The following DGKI variants were observed in gnomAD, a reference collection of about 807,000 sequenced individuals.
DGKI encodes diacylglycerol kinase iota.
DGKI carries 55 observed loss-of-function variants against 147.5 expected under a neutral mutation model. The ratio of observed to expected loss-of-function variants is 0.37; its 90% CI spans 0.30 to 0.47. The LOEUF (loss-of-function observed/expected upper bound fraction) is 0.47, where lower values mean the gene tolerates loss of function less well. DGKI is among the 20% of genes least tolerant of loss of function. The pLI, the probability that DGKI is intolerant of heterozygous loss-of-function variation, is 1.00. For missense variants in DGKI, 1,007 were observed against 1,323.8 expected (o/e 0.76, Z 3.71); for synonymous variants, 469 against 477.1 (o/e 0.98, Z 0.22).
intron 8 of DGKI, among the ~76,000 whole-genome samples, chr7:137,617,620 T>A (rs1012971494): frequency 6.6e-6 from 1 of 151,568 alleles, no homozygotes; most frequent in African/African-American, 2.4e-5. Flanking sequence ...GAAGATGGGG[T>A]AGATGGGGTG....
intron 21 of DGKI, among the ~76,000 whole-genome samples, chr7:137,503,940 G>C (rs1230356884): frequency 6.6e-6 from 1 of 152,088 alleles, no homozygotes; most frequent in East Asian, 1.9e-4. Flanking sequence ...CTATATGTGA[G>C]AACATTTTAT....
chr7:137,472,096 C>CAT (rs201002910), intron 23 of DGKI, among the ~76,000 whole-genome samples: 21,341 of 122,970 alleles, frequency 0.17, 2,730 homozygotes, highest in African/African-American at 0.36. Context: ...AATATATACA[C>CAT]ATATATGTGT....
chr7:137,835,716 G>A (rs1288580835), intron 1 of DGKI, among the ~76,000 whole-genome samples: 1 of 152,144 alleles, frequency 6.6e-6, no homozygotes, highest in African/African-American at 2.4e-5. Flanking sequence ...TATGGATTTA[G>A]AATACCAGCT....
intron 1 of DGKI, among the ~76,000 whole-genome samples, chr7:137,787,275 G>GA (rs914042958): frequency 8.6e-5 from 13 of 150,806 alleles, no homozygotes; most frequent in East Asian, 1.9e-4. Context: ...AAATCAGCAA[G>GA]AAAAAAAAAT....
chr7:137,603,786 A>C (rs1347578656), intron 10 of DGKI, among the ~76,000 whole-genome samples: 2 of 152,222 alleles, frequency 1.3e-5, no homozygotes, highest in African/African-American at 2.4e-5. Context: ...AAGGCACAAA[A>C]GGTGTGAAAC....
In DGKI at chr7:137,816,722, G is replaced by C. The variant is rs6950955; in HGVS notation, c.401+29740C>G. ...AGACAAAAAACATTGTTTTGTAATA[G>C]AGAGTGACAGAGAAGGAGAGGCAAA... On this transcript the variant is annotated intron_variant, in intron 1 of 32. Transcript: ENST00000614521. 7.1e-3 allele frequency among the ~76,000 whole-genome samples: 1,079 copies of C among 152,324 alleles called. 19 individuals are homozygous for C. Among genetic ancestry groups the C allele is most frequent in the African/African-American group, 0.024 (1,012 of 41,572 alleles).
intron 1 of DGKI, among the ~76,000 whole-genome samples, chr7:137,790,780 G>A (rs774876913): frequency 3.9e-5 from 6 of 152,178 alleles, no homozygotes; most frequent in Admixed American, 2.0e-4. Context: ...CCTGGAAAAT[G>A]GGTATAACAG....
chr7:137,499,806 T>C (rs62490463), intron 21 of DGKI, among the ~76,000 whole-genome samples: 2,579 of 152,238 alleles, frequency 0.017, 36 homozygotes, highest in Non-Finnish European at 0.024. Flanking sequence ...CCACTATAAT[T>C]GCATGAGCCA....
chr7:137,619,974 G>T (rs1404186015), intron 7 of DGKI, 34 bp from the exon 8 acceptor site: 2 of 1,505,668 alleles, frequency 1.3e-6, no homozygotes, highest in East Asian at 4.6e-5. Context: ...AACAATTCTG[G>T]TCAAAGAGTA....
chr7:137,723,699 C>CTTTTTTT (rs769605042), intron 1 of DGKI, among the ~76,000 whole-genome samples: 2 of 104,436 alleles, frequency 1.9e-5, no homozygotes, highest in Non-Finnish European at 3.5e-5. Context: ...CATGATATCC[C>CTTTTTTT]TTTTTTTTTT....
At chr7:137,738,171 G>A (rs1795077925) in intron 1 of DGKI, among the ~76,000 whole-genome samples, 1 of 152,090 alleles carries the variant, frequency 6.6e-6, no homozygotes, top group Admixed American at 6.6e-5. Context: ...ACAAATTAAT[G>A]CAGTTAGCAG....
At chr7:137,807,768 C>T (rs565606734) in intron 1 of DGKI, among the ~76,000 whole-genome samples, 50 of 152,230 alleles carry the variant, frequency 3.3e-4, no homozygotes, top group African/African-American at 1.1e-3. Context: ...TCCCAGGTGC[C>T]GCTGCTGCTG....
intron 1 of DGKI, among the ~76,000 whole-genome samples, chr7:137,807,426 G>A (rs993918965): frequency 2.6e-5 from 4 of 152,146 alleles, no homozygotes; most frequent in African/African-American, 7.2e-5. Context: ...GAGCTACCTC[G>A]TTTCTGCAGT....
chr7:137,757,001 TA>T (rs1795705644), intron 1 of DGKI, among the ~76,000 whole-genome samples: 1 of 152,266 alleles, frequency 6.6e-6, no homozygotes, highest in Non-Finnish European at 1.5e-5. Context: ...TTATATTTTT[TA>T]ATATTTCCTT....
At chr7:137,430,168 T>A (rs1813002697) in intron 28 of DGKI, among the ~76,000 whole-genome samples, 1 of 144,248 alleles carries the variant, frequency 6.9e-6, no homozygotes, top group Non-Finnish European at 1.5e-5. Context: ...TGTCCAACAA[T>A]GATAGACTGG....
intron 1 of DGKI, among the ~76,000 whole-genome samples, chr7:137,731,790 T>C (rs1479047989): frequency 6.6e-6 from 1 of 152,088 alleles, no homozygotes; most frequent in Non-Finnish European, 1.5e-5. Flanking sequence ...CTTGGCCCAC[T>C]TGACCTTCAG....
intron 13 of DGKI, 55 bp downstream of exon 13, chr7:137,587,042 C>A: frequency 7.8e-7 from 1 of 1,288,296 alleles, no homozygotes; most frequent in Non-Finnish European, 1.1e-6. Context: ...ATCAGTGGAT[C>A]TGGAATCCGG....
chr7:137,650,123 G>A (rs917668389), intron 5 of DGKI, among the ~76,000 whole-genome samples: 4 of 152,026 alleles, frequency 2.6e-5, no homozygotes, highest in African/African-American at 9.7e-5. Flanking sequence ...TATCAAATGG[G>A]TCATAGTCAG....
At chr7:137,592,477 T>C (rs1819651444) in intron 12 of DGKI, among the ~76,000 whole-genome samples, 2 of 152,236 alleles carry the variant, frequency 1.3e-5, no homozygotes, top group Admixed American at 6.5e-5. Flanking sequence ...TGTCCGTTTT[T>C]AGCATTAGTT....
Sources: gnomAD v4.1 joint callset for allele counts (sites outside exome capture counted in the v4.1 genomes callset) on GRCh38, gnomAD v4.1.1 for gene constraint, MANE v1.5 for transcripts, NCBI Gene and HGNC (gene_info 2026-07-23, HGNC 2026-07-21) for gene names.